Variants in DNAH11 observed in about 807,000 individuals in gnomAD.
DNAH11 encodes axonemal beta dynein heavy chain 11.
DNAH11 carries 442 observed loss-of-function variants against 526.0 expected under a neutral mutation model. That is an observed-to-expected ratio of 0.84 (90% CI 0.78 to 0.91). The LOEUF (loss-of-function observed/expected upper bound fraction) is 0.91, where lower values mean the gene tolerates loss of function less well. DNAH11 is among the 40% of genes least tolerant of loss of function. The pLI, the probability that DNAH11 is intolerant of heterozygous loss-of-function variation, is 0.00. For missense variants in DNAH11, 6,989 were observed against 5,448.7 expected, an observed-to-expected ratio of 1.28 and a Z score of -8.90; for synonymous variants, 2,461 against 1,935.9, an observed-to-expected ratio of 1.27 and a Z score of -7.12.
rs760795257 is a variant in DNAH11, at chr7:21,864,620, T to C, written c.11459T>C (p.Val3820Ala). The change falls in exon 70 of 82, where the codon GTT (valine) becomes GCT (alanine). Residue 3820 changes from valine to alanine, a missense_variant. Val to Ala is a moderately conservative substitution (Grantham distance 64). Coordinates refer to ENST00000409508, the MANE Select transcript of DNAH11 (RefSeq NM_001277115.2). ...FTVEHTHLSP[V>A]DFLTSQSWSA... ...GTTGAACACACTCATCTGAGTCCCG[T>C]TGACTTCCTAACTTCTCAGTCATGG... 8 of 1,608,752 alleles carry C rather than the reference T, an allele frequency of 5.0e-6. No homozygotes were observed. In the Admixed American group the frequency reaches 1.0e-4, roughly 20 times the overall value.
chr7:21,765,410 G>C lies in DNAH11; in HGVS notation c.8941-18G>C. On this transcript the variant is annotated intron_variant, in intron 54 of 81. Coordinates refer to ENST00000409508, the MANE Select transcript of DNAH11 (RefSeq NM_001277115.2). ...TTCATCACCCGCCTGTTTCTGCCTT[G>C]CCCCCATGTCTCCACAGATCATTTT... The C allele has an allele frequency of 6.2e-7, 1 of 1,613,282 alleles. No homozygotes were observed. Among genetic ancestry groups the C allele is most frequent in the Non-Finnish European group, 8.5e-7 (1 of 1,179,522 alleles).
chr7:21,820,521 G>A (rs2128001901), intron 65 of DNAH11, among the ~76,000 whole-genome samples: 1 of 152,272 alleles, frequency 6.6e-6, no homozygotes. Flanking sequence ...ATTTCAAATA[G>A]TAAAACACAC....
At chr7:21,847,606 T>C (rs61635114) in intron 66 of DNAH11, among the ~76,000 whole-genome samples, 14,375 of 152,210 alleles carry the variant, frequency 0.094, 1,947 homozygotes, top group African/African-American at 0.29. Context: ...TCTTGGCAAA[T>C]GTTCCATGTG....
intron 65 of DNAH11, among the ~76,000 whole-genome samples, chr7:21,837,657 T>C (rs1782044817): frequency 1.3e-5 from 2 of 152,166 alleles, no homozygotes; most frequent in African/African-American, 4.8e-5. Flanking sequence ...TTACTTTTTT[T>C]TGGTAACACC....
intron 45 of DNAH11, among the ~76,000 whole-genome samples, chr7:21,730,295 C>A (rs1250828567): frequency 6.6e-6 from 1 of 152,182 alleles, no homozygotes; most frequent in Admixed American, 6.5e-5. Flanking sequence ...ACAGGTTGAG[C>A]ATCTCTAATT....
At position 21,693,937 on chromosome 7, in the gene DNAH11, C is replaced by G. The variant is rs570618005; in HGVS notation, c.6041+3056C>G. Among the ~76,000 whole-genome samples the G allele has an allele frequency of 3.3e-5, 5 of 152,188 alleles. No homozygotes were observed. In the East Asian group the frequency reaches 9.7e-4, roughly 29 times the overall value. On this transcript the variant is annotated intron_variant, in intron 35 of 81. Coordinates refer to ENST00000409508, the MANE Select transcript of DNAH11 (RefSeq NM_001277115.2). Reference sequence around the variant, plus strand: ...AAGCAAGCATGTCTTACAAGGTGGACCAGGAGAGAGAACACGCGCGAGGTG... The same window carrying G: ...AAGCAAGCATGTCTTACAAGGTGGAGCAGGAGAGAGAACACGCGCGAGGTG...
chr7:21,834,613 G>T (rs865923562), intron 65 of DNAH11, among the ~76,000 whole-genome samples: 1 of 152,068 alleles, frequency 6.6e-6, no homozygotes, highest in African/African-American at 2.4e-5. Context: ...CAGGAGCGTC[G>T]CTTGAGGACA....
intron 65 of DNAH11, among the ~76,000 whole-genome samples, chr7:21,827,691 T>C (rs1344179971): frequency 6.6e-6 from 1 of 151,958 alleles, no homozygotes; most frequent in African/African-American, 2.4e-5. Flanking sequence ...GCATTTTATA[T>C]TTATTTATTT....
chr7:21,610,892 C>G (rs1583526628), intron 20 of DNAH11, among the ~76,000 whole-genome samples: 2 of 152,332 alleles, frequency 1.3e-5, no homozygotes, highest in African/African-American at 2.4e-5. Flanking sequence ...TCCAACTGTT[C>G]TATTCATACT....
chr7:21,680,982 A>G (rs1319376773), intron 30 of DNAH11, among the ~76,000 whole-genome samples: 1 of 152,144 alleles, frequency 6.6e-6, no homozygotes, highest in Non-Finnish European at 1.5e-5. Context: ...ATTAGGGTAG[A>G]GGGTCAGTCC....
At chr7:21,732,680 A>G (rs1248308391) in intron 45 of DNAH11, among the ~76,000 whole-genome samples, 1 of 152,222 alleles carries the variant, frequency 6.6e-6, no homozygotes, top group Non-Finnish European at 1.5e-5. Flanking sequence ...ATCACAATGC[A>G]GATTAATTCT....
At chr7:21,604,961 A>G (rs1190061635) in intron 18 of DNAH11, among the ~76,000 whole-genome samples, 1 of 152,150 alleles carries the variant, frequency 6.6e-6, no homozygotes, top group African/African-American at 2.4e-5. Context: ...TTGGTTCCTG[A>G]GCTGGTTTGG....
rs758798333 is a variant in DNAH11 at position 21,591,404 on chromosome 7, A to G, written c.2494A>G (p.Lys832Glu). ...GGAGCACAGAGTTGAGCGCACACAG[A>G]AAAACGTGAAGGTGATCCAGCAGAC... ...ELEHRVERTQ[K>E]NVKVIQQTMR... The change falls in exon 14 of 82, where the codon AAA becomes GAA. Residue 832 changes from lysine (K) to glutamate (E), a missense_variant. Lys to Glu is a moderately conservative substitution (Grantham distance 56). Transcript: ENST00000409508. 12 of 1,613,790 alleles carry G rather than the reference A, an allele frequency of 7.4e-6. No homozygotes were observed. The East Asian group carries it at 2.2e-4, about 30-fold the overall frequency.
At chr7:21,598,983 A>G (rs1385924306) in intron 14 of DNAH11, among the ~76,000 whole-genome samples, 2 of 152,174 alleles carry the variant, frequency 1.3e-5, no homozygotes, top group Non-Finnish European at 2.9e-5. Flanking sequence ...TATCCAGTGT[A>G]TCATTGATAG....
intron 20 of DNAH11, among the ~76,000 whole-genome samples, chr7:21,613,629 T>C (rs986202807): frequency 2.0e-5 from 3 of 152,216 alleles, no homozygotes; most frequent in Non-Finnish European, 4.4e-5. Context: ...ATGGTGACTA[T>C]AGTTAATAGC....
chr7:21,771,033 T>C, intron 55 of DNAH11, among the ~76,000 whole-genome samples: 1 of 152,210 alleles, frequency 6.6e-6, no homozygotes, highest in East Asian at 1.9e-4. Flanking sequence ...ATAGATTGTG[T>C]AGCACATCAG....
intron 54 of DNAH11, among the ~76,000 whole-genome samples, chr7:21,751,036 CAG>C (rs1172275560): frequency 6.6e-6 from 1 of 152,142 alleles, no homozygotes; most frequent in Non-Finnish European, 1.5e-5. Context: ...AAGTAACACT[CAG>C]ATGGGCCGGG....
rs1020137051 is a variant in DNAH11, at chr7:21,867,720, T to C, written c.11691-139T>C. 25 of 715,186 alleles carry C rather than the reference T, an allele frequency of 3.5e-5. No individual in the cohort carries two copies. In the Admixed American group the frequency reaches 3.5e-4, roughly 10 times the overall value. 44.3% of individuals were successfully genotyped at this position (715,186 alleles called of 1,614,324 possible). A position where few individuals can be genotyped will look rare whatever the true frequency, so the allele number is the denominator to read the frequency against. ...CCGCATACATCTAGCTGGATTCATATTGTTATTCTAACAAGACATCCCATG... is the reference window on the plus strand; with the variant it reads ...CCGCATACATCTAGCTGGATTCATACTGTTATTCTAACAAGACATCCCATG... On this transcript the variant is annotated intron_variant, in intron 71 of 81. Coordinates refer to ENST00000409508, the MANE Select transcript of DNAH11 (RefSeq NM_001277115.2).
At chr7:21,659,671 A>G (rs1169829868) in intron 30 of DNAH11, among the ~76,000 whole-genome samples, 3 of 152,108 alleles carry the variant, frequency 2.0e-5, no homozygotes, top group South Asian at 2.1e-4. Flanking sequence ...ATCTGAATCC[A>G]TAAATATGAA....
Sources: allele counts gnomAD v4.1 joint callset (sites outside exome capture counted in the v4.1 genomes callset), GRCh38; gene constraint gnomAD v4.1.1; transcripts MANE v1.5; gene names NCBI Gene and HGNC (gene_info 2026-07-23, HGNC 2026-07-21).